PLA2G15: variants seen among roughly 807,000 people sequenced by gnomAD.
PLA2G15 encodes lysosomal phospholipase A and acyltransferase.
Under a neutral mutation model 40.9 loss-of-function variants are expected in PLA2G15, and 20 were observed. The observed-to-expected ratio is 0.49, with a 90% confidence interval of 0.34 to 0.71. PLA2G15 has a LOEUF of 0.71. Ranked by LOEUF, PLA2G15 falls within the 30% of genes least tolerant of loss-of-function variation. The pLI, the probability that PLA2G15 is intolerant of heterozygous loss-of-function variation, is 0.01. For missense variants in PLA2G15, 471 were observed against 541.9 expected, an observed-to-expected ratio of 0.87 and a Z score of 1.30; for synonymous variants, 223 against 228.2, an observed-to-expected ratio of 0.98 and a Z score of 0.21.
At chr16:68,252,720 C>T (rs2042365840) in intron 2 of PLA2G15, 1 of 407,516 alleles carries the variant, frequency 2.5e-6, no homozygotes, top group Non-Finnish European at 5.0e-6. Flanking sequence ...ATAATCCCAG[C>T]ACTTTGGGAG....
intron 5 of PLA2G15, among the ~76,000 whole-genome samples, chr16:68,257,006 G>A (rs1486972641): frequency 1.3e-5 from 2 of 151,198 alleles, no homozygotes; most frequent in South Asian, 2.1e-4. Context: ...TCAGCCTCCC[G>A]GGTAACTGGG....
intron 2 of PLA2G15, among the ~76,000 whole-genome samples, chr16:68,250,589 A>G (rs932244350): frequency 2.0e-4 from 30 of 152,100 alleles, no homozygotes; most frequent in Non-Finnish European, 4.0e-4. Flanking sequence ...TCTTTAAAAC[A>G]TGACCCTAGG....
At position 68,260,810 on chromosome 16, in the gene PLA2G15, T is replaced by A. The variant is rs1231314700; in HGVS notation, c.*1153T>A. On this transcript the variant is annotated 3_prime_UTR_variant, in exon 6 of 6. Transcript: ENST00000219345. ...GCAGGCATGGAGAGTCAGGGCTGCCTTCATGGCAGTAGGCTCTAAGTGGGT... is the reference window on the plus strand; with the variant it reads ...GCAGGCATGGAGAGTCAGGGCTGCCATCATGGCAGTAGGCTCTAAGTGGGT... 1 of 152,242 alleles carries A rather than the reference T, an allele frequency of 6.6e-6. No individual in the cohort carries two copies. The highest frequency in any genetic ancestry group is 1.9e-4 in the East Asian group (1 of 5,196). 9.4% of individuals were successfully genotyped at this position (152,242 alleles called of 1,614,324 possible).
At chr16:68,246,234 C>A (rs941444247) in intron 1 of PLA2G15, among the ~76,000 whole-genome samples, 3 of 151,602 alleles carry the variant, frequency 2.0e-5, no homozygotes, top group African/African-American at 7.3e-5. Context: ...TCGGTGACCT[C>A]CCCTGCTCAC....
At chr16:68,258,943 G>C in intron 5 of PLA2G15, 2 of 586,768 alleles carry the variant, frequency 3.4e-6, no homozygotes, top group Non-Finnish European at 6.0e-6. Context: ...CTGGGCAACA[G>C]AGTGAGACCC....
At position 68,259,393 on chromosome 16, in the gene PLA2G15, C is replaced by T. The variant is rs749089659; in HGVS notation, c.975C>T (p.Gly325=). 29 of 1,614,030 alleles carry T rather than the reference C, an allele frequency of 1.8e-5. No individual in the cohort carries two copies. Among genetic ancestry groups the T allele is most frequent in the East Asian group, 2.2e-5 (1 of 44,892 alleles). ...TGGTGGAAGCCACGATGCCACCTGGCGTGCAGCTGCACTGCCTCTATGGTA... is the reference window on the plus strand; with the variant it reads ...TGGTGGAAGCCACGATGCCACCTGGTGTGCAGCTGCACTGCCTCTATGGTA... ...EGLVEATMPP[G]VQLHCLYGTG... Residue 325 remains glycine, a synonymous_variant, in exon 6 of 6, where the codon GGC becomes GGT. Transcript: ENST00000219345. The surrounding 1 kb of genome is among the most constrained non-coding windows in gnomAD (Gnocchi z 6.5).
intron 5 of PLA2G15, 55 bp downstream of exon 5, chr16:68,256,045 C>A: frequency 8.4e-7 from 1 of 1,185,560 alleles, no homozygotes; most frequent in African/African-American, 1.5e-5. Context: ...TCTGCCCTCT[C>A]TTCCCTTCCT....
rs372450538 is a variant in PLA2G15, at chr16:68,256,015, G to C, written c.727+25G>C. 6.7e-6 allele frequency: 10 copies of C among 1,489,072 alleles called. 1 individual carries two copies. In the African/African-American group the frequency reaches 8.3e-5, roughly 12 times the overall value. The allele number at this position is 1,489,072 out of a possible 1,614,324, so 92.2% of individuals were successfully genotyped here. On this transcript the variant is annotated intron_variant, in intron 5 of 5. Transcript: ENST00000219345. ...GGTAAGACCCTACCTGGCCCAGCGT[G>C]GGGGGCTGTTGCCAGGAATTCTGCC...
rs1027578427 is a variant in PLA2G15 at position 68,260,783 on chromosome 16, C to T, written c.*1126C>T. The T allele has an allele frequency of 6.6e-6, 1 of 152,250 alleles. No individual in the cohort carries two copies. Among genetic ancestry groups the T allele is most frequent in the Admixed American group, 6.5e-5 (1 of 15,290 alleles). 9.4% of individuals were successfully genotyped at this position (152,250 alleles called of 1,614,324 possible). On this transcript the variant is annotated 3_prime_UTR_variant, in exon 6 of 6. Coordinates refer to ENST00000219345, the MANE Select transcript of PLA2G15 (RefSeq NM_012320.4). ...GGGTGCTCCATGGATCTCCCTGTGG[C>T]AGCAGGCATGGAGAGTCAGGGCTGC...
Position 68,255,972 on chromosome 16 carries a change from C to T in PLA2G15, c.709C>T (p.Leu237=). The T allele has an allele frequency of 6.2e-7, 1 of 1,604,980 alleles. No individual in the cohort carries two copies. Among genetic ancestry groups the T allele is most frequent in the Non-Finnish European group, 8.5e-7 (1 of 1,174,760 alleles). Reference sequence around the variant, plus strand: ...GCCCTGGGGGGGCGTGGCCAAGACCCTGCGCGTCCTGGCTTCAGGTAAGAC... The same window carrying T: ...GCCCTGGGGGGGCGTGGCCAAGACCTTGCGCGTCCTGGCTTCAGGTAAGAC... ...GAPWGGVAKT[L]RVLASGDNNR... Residue 237 remains leucine, a synonymous_variant, in exon 5 of 6, where the codon CTG becomes TTG. Coordinates refer to ENST00000219345, the MANE Select transcript of PLA2G15 (RefSeq NM_012320.4). This position sits in a 1 kb window ranked among gnomAD's most constrained non-coding sequence, Gnocchi z 5.9.
In PLA2G15 at chr16:68,258,555, A is replaced by G. The variant is rs146370610; in HGVS notation, c.728-591A>G. Among the ~76,000 whole-genome samples the G allele has an allele frequency of 1.1e-4, 17 of 152,354 alleles. No homozygotes were observed. The East Asian group carries it at 3.1e-3, about 28-fold the overall frequency. On this transcript the variant is annotated intron_variant, in intron 5 of 5. Coordinates refer to ENST00000219345, the MANE Select transcript of PLA2G15 (RefSeq NM_012320.4). ...GTGGTTCCCAGATGTAGCAAAAATA[A>G]AGAGAAACAATAAAAGCCAAGGCAA...
chr16:68,257,785 G>A (rs964450930), intron 5 of PLA2G15, among the ~76,000 whole-genome samples: 2 of 152,246 alleles, frequency 1.3e-5, no homozygotes, highest in Admixed American at 1.3e-4. Flanking sequence ...AGGGACGGAT[G>A]TGGGCATACC....
At chr16:68,248,559 G>T in intron 1 of PLA2G15, 1 of 212,536 alleles carries the variant, frequency 4.7e-6, no homozygotes, top group South Asian at 4.7e-5. Flanking sequence ...GTAATTTTTT[G>T]TATTTTTAGT....
At chr16:68,257,412 G>A (rs906938500) in intron 5 of PLA2G15, among the ~76,000 whole-genome samples, 3 of 152,230 alleles carry the variant, frequency 2.0e-5, no homozygotes, top group African/African-American at 7.2e-5. Flanking sequence ...GGAAGCAGGT[G>A]CAGATCTGGC....
intron 1 of PLA2G15, chr16:68,248,234 C>G (rs1019974063): frequency 6.6e-6 from 1 of 152,304 alleles, no homozygotes; most frequent in African/African-American, 2.4e-5. Flanking sequence ...ACCAGCCTGT[C>G]CTGCATACTT....
rs563874493 is a variant in PLA2G15, at chr16:68,255,705, G to C, written c.503-61G>C. On this transcript the variant is annotated intron_variant, in intron 4 of 5. Transcript: ENST00000219345. The surrounding 1 kb of genome is among the most constrained non-coding windows in gnomAD (Gnocchi z 5.9). The stretch of plus-strand genomic sequence containing the variant: ...TCGTCTTGTGTCTGGCCTGAGAAAA[G>C]CTCAGTGGTTCCGGCTCCAGGACCC... The C allele has an allele frequency of 4.9e-5, 69 of 1,403,384 alleles. No individual in the cohort carries two copies. The East Asian group carries it at 1.5e-3, about 31-fold the overall frequency. 86.9% of individuals were successfully genotyped at this position (1,403,384 alleles called of 1,614,324 possible). A position where few individuals can be genotyped will look rare whatever the true frequency, so the allele number is the denominator to read the frequency against.
chr16:68,249,473 G>A (rs780702311), intron 2 of PLA2G15, 27 bp downstream of exon 2: 4 of 1,610,454 alleles, frequency 2.5e-6, no homozygotes, highest in Non-Finnish European at 2.5e-6. Context: ...ACAGAGGGGG[G>A]TGCTGCTCAC....
At position 68,255,768 on chromosome 16, in the gene PLA2G15, GA is replaced by G; in HGVS notation, c.509del (p.Asn170ThrfsTer11). The G allele has an allele frequency of 6.2e-7, 1 of 1,613,978 alleles. No homozygotes were observed. Among genetic ancestry groups the G allele is most frequent in the Non-Finnish European group, 8.5e-7 (1 of 1,179,842 alleles). On this transcript the variant is annotated frameshift_variant, in exon 5 of 6. Transcript: ENST00000219345. LOFTEE classifies it high-confidence loss of function. This position sits in a 1 kb window ranked among gnomAD's most constrained non-coding sequence, Gnocchi z 5.9. ...APYDWRRAPN[E>X]NGPYFLALRE... ...CCCTGCCTGGCTCTGGCCTGCAGAT[GA>G]AAACGGGCCCTACTTCCTGGCCCTC...
intron 1 of PLA2G15, chr16:68,248,390 CTT>C (rs551639201): frequency 1.0e-4 from 15 of 146,270 alleles, no homozygotes; most frequent in South Asian, 4.1e-4. Context: ...GGGTATATAT[CTT>C]TTTTTTTTTT....
Sources: allele counts gnomAD v4.1 joint callset (sites outside exome capture counted in the v4.1 genomes callset), GRCh38; gene constraint gnomAD v4.1.1; non-coding constraint Gnocchi (gnomAD v3.1); transcripts MANE v1.5; gene names NCBI Gene and HGNC (gene_info 2026-07-23, HGNC 2026-07-21).